BRDT: variants seen among roughly 807,000 people sequenced by gnomAD.
BRDT encodes bromodomain testis-specific protein.
BRDT carries 77 observed loss-of-function variants against 113.9 expected under a neutral mutation model. The observed-to-expected ratio is 0.68, with a 90% CI of 0.56 to 0.82. The LOEUF (loss-of-function observed/expected upper bound fraction) is 0.82. BRDT is among the 40% of genes least tolerant of loss of function. The pLI is 0.00. For missense variants in BRDT, 1,027 were observed against 1,105.4 expected (o/e 0.93, Z 1.01); for synonymous variants, 358 against 366.5 (o/e 0.98, Z 0.26).
intron 3 of BRDT, among the ~76,000 whole-genome samples, chr1:91,965,849 A>AG (rs1239297428): frequency 2.3e-4 from 35 of 151,312 alleles, no homozygotes; most frequent in African/African-American, 7.3e-4. Flanking sequence ...CCTTCTCAAA[A>AG]AAAAAAAAAA....
chr1:91,962,989 T>C, intron 2 of BRDT, 43 bp downstream of exon 2: 1 of 1,426,370 alleles, frequency 7.0e-7, no homozygotes, highest in Admixed American at 2.4e-5. Flanking sequence ...AAAAGAAAAC[T>C]CCTGTAAATT....
chr1:91,960,962 T>C (rs748927233), intron 1 of BRDT, among the ~76,000 whole-genome samples: 1 of 152,244 alleles, frequency 6.6e-6, no homozygotes, highest in Non-Finnish European at 1.5e-5. Context: ...TTATTCTAGA[T>C]GTAGCAATAT....
chr1:91,958,122 C>A (rs377629405), intron 1 of BRDT, among the ~76,000 whole-genome samples: 10 of 151,998 alleles, frequency 6.6e-5, no homozygotes, highest in Middle Eastern at 3.2e-3. Flanking sequence ...GGATTACAGG[C>A]GCGAGCCGCC....
chr1:91,960,596 G>A (rs887341197), intron 1 of BRDT, among the ~76,000 whole-genome samples: 1 of 152,164 alleles, frequency 6.6e-6, no homozygotes, highest in African/African-American at 2.4e-5. Flanking sequence ...TTGCAAGATG[G>A]AAAAGTTCTA....
intron 12 of BRDT, 59 bp downstream of exon 12, chr1:91,981,814 T>A: frequency 6.8e-7 from 1 of 1,480,886 alleles, no homozygotes; most frequent in South Asian, 1.4e-5. Context: ...CCTGTAATAT[T>A]GATTTATATT....
chr1:91,993,718 C>T (rs999640270), intron 14 of BRDT, among the ~76,000 whole-genome samples: 1 of 152,070 alleles, frequency 6.6e-6, no homozygotes, highest in African/African-American at 2.4e-5. Context: ...TATAAAAGCT[C>T]AGGGGTTTGT....
intron 13 of BRDT, 132 bp downstream of exon 13, chr1:91,991,377 C>A: frequency 2.3e-6 from 1 of 431,784 alleles, no homozygotes; most frequent in Non-Finnish European, 4.0e-6. Context: ...AGCTTATCAA[C>A]TAAATGTTCA....
In BRDT at chr1:92,004,530, A is replaced by T; in HGVS notation, c.2505A>T (p.Glu835Asp). 1 of 1,613,588 alleles carries T rather than the reference A, an allele frequency of 6.2e-7. No individual in the cohort carries two copies. Among genetic ancestry groups the T allele is most frequent in the Non-Finnish European group, 8.5e-7 (1 of 1,179,772 alleles). ...LFNQFRKAAI[E>D]KEVKARTQEL... ...ACCAATTTAGAAAAGCAGCCATAGA[A>T]AAGGAAGTAAAAGCTCGGACACAGG... Residue 835 changes from glutamate to aspartate, a missense_variant, in exon 17 of 19, where the codon GAA becomes GAT. Transcript: ENST00000399546.
chr1:91,953,417 C>T (rs1193774026), intron 1 of BRDT, among the ~76,000 whole-genome samples: 6 of 152,142 alleles, frequency 3.9e-5, no homozygotes, highest in African/African-American at 1.2e-4. Flanking sequence ...TTGTGGCTCA[C>T]GCCTGTAATC....
intron 15 of BRDT, 108 bp from the exon 16 acceptor site, chr1:92,001,941 G>T: frequency 2.9e-6 from 2 of 689,084 alleles, no homozygotes; most frequent in Non-Finnish European, 4.8e-6. Flanking sequence ...CAAAAAATTA[G>T]TCTCTTTGTT....
chr1:91,980,625 T>C lies in BRDT; in HGVS notation c.1288-18T>C. 1.4e-6 allele frequency: 2 copies of C among 1,434,122 alleles called. No individual in the cohort carries two copies. Among genetic ancestry groups the C allele is most frequent in the Non-Finnish European group, 1.8e-6 (2 of 1,093,932 alleles). 88.8% of individuals were successfully genotyped at this position (1,434,122 alleles called of 1,614,324 possible). A position where few individuals can be genotyped will look rare whatever the true frequency, so the allele number is the denominator to read the frequency against. On this transcript the variant is annotated intron_variant, in intron 8 of 18. Coordinates refer to ENST00000399546, the MANE Select transcript of BRDT (RefSeq NM_207189.4). ...ATTTAGAGACATGAATGTTTACAGA[T>C]TTTTTTTCTTTTATCAGCTTAAAGC...
chr1:91,994,004 G>A, intron 14 of BRDT, 79 bp from the exon 15 acceptor site: 2 of 1,144,276 alleles, frequency 1.7e-6, no homozygotes, highest in Non-Finnish European at 2.4e-6. Context: ...TTATATTCTT[G>A]ACTCTTGTGT....
chr1:91,964,877 ACG>A, intron 3 of BRDT, 113 bp downstream of exon 3: 3 of 600,220 alleles, frequency 5.0e-6, no homozygotes, highest in Non-Finnish European at 7.5e-6. Flanking sequence ...GAGATACTTG[ACG>A]TGTGTGTGTG....
chr1:92,012,831 G>A (rs7518188), intron 18 of BRDT, among the ~76,000 whole-genome samples: 10,156 of 152,034 alleles, frequency 0.067, 400 homozygotes, highest in African/African-American at 0.096. Context: ...AATCACCTGA[G>A]CCTGCGAGGC....
chr1:91,958,794 C>T (rs1332703755), intron 1 of BRDT, among the ~76,000 whole-genome samples: 1 of 152,028 alleles, frequency 6.6e-6, no homozygotes, highest in East Asian at 1.9e-4. Flanking sequence ...CGTGGGCTTA[C>T]CTGTAATTCC....
At chr1:91,960,947 ATATTT>A (rs1403323485) in intron 1 of BRDT, among the ~76,000 whole-genome samples, 2 of 152,242 alleles carry the variant, frequency 1.3e-5, no homozygotes, top group Admixed American at 6.5e-5. Context: ...GAAATTTAAA[ATATTT>A]TATTCTAGAT....
Position 91,962,819 on chromosome 1 carries a change from C to T in BRDT, c.65C>T (p.Thr22Ile). ...VNPPPPEYIN[T>I]KKNGRLTNQL... The stretch of plus-strand genomic sequence containing the variant: ...CCTCCTCCACCAGAATATATAAATA[C>T]TAAGAAAAATGGGCGATTGACAAAT... Residue 22 changes from threonine (T) to isoleucine (I), a missense_variant, in exon 2 of 19, where the codon ACT becomes ATT. By Grantham distance (89) the Thr-to-Ile change is moderately conservative (BLOSUM62 -1). Transcript: ENST00000399546. 6.2e-7 allele frequency: 1 copy of T among 1,612,158 alleles called. No homozygotes were observed. Among genetic ancestry groups the T allele is most frequent in the South Asian group, 1.1e-5 (1 of 90,484 alleles).
intron 2 of BRDT, 43 bp downstream of exon 2, chr1:91,962,989 T>A: frequency 2.1e-6 from 3 of 1,426,370 alleles, no homozygotes; most frequent in Non-Finnish European, 2.8e-6. Context: ...AAAAGAAAAC[T>A]CCTGTAAATT....
At chr1:91,965,845 CA>C (rs779461939) in intron 3 of BRDT, among the ~76,000 whole-genome samples, 229 of 146,132 alleles carry the variant, frequency 1.6e-3, no homozygotes, top group African/African-American at 5.1e-3. Context: ...GACACCTTCT[CA>C]AAAAAAAAAA....
Sources: gnomAD v4.1 joint callset for allele counts (sites outside exome capture counted in the v4.1 genomes callset) on GRCh38, gnomAD v4.1.1 for gene constraint, MANE v1.5 for transcripts, NCBI Gene and HGNC (gene_info 2026-07-23, HGNC 2026-07-21) for gene names.